The following SUPT3H variants were observed in gnomAD, a reference collection of about 807,000 sequenced individuals.
The protein encoded by SUPT3H is SPT3 homolog, SAGA and STAGA complex component.
A neutral mutation model predicts 44.3 loss-of-function variants in SUPT3H; 44 were observed. That is an observed-to-expected ratio of 0.99 (90% CI 0.78 to 1.28). The LOEUF (loss-of-function observed/expected upper bound fraction) is 1.28, where lower values mean the gene tolerates loss of function less well. SUPT3H is among the 50% of genes most tolerant of loss of function. SUPT3H has a pLI of 0.00. For missense variants in SUPT3H, 380 were observed against 387.1 expected, an observed-to-expected ratio of 0.98 and a Z score of 0.15; for synonymous variants, 124 against 125.6, an observed-to-expected ratio of 0.99 and a Z score of 0.09.
At chr6:44,911,667 C>T (rs1192158450) in intron 10 of SUPT3H, among the ~76,000 whole-genome samples, 1 of 152,026 alleles carries the variant, frequency 6.6e-6, no homozygotes, top group African/African-American at 2.4e-5. Flanking sequence ...GTCTACTATC[C>T]ATATAGTTGC....
chr6:44,893,266 G>A (rs1320383336), intron 10 of SUPT3H, among the ~76,000 whole-genome samples: 1 of 152,098 alleles, frequency 6.6e-6, no homozygotes, highest in Non-Finnish European at 1.5e-5. Flanking sequence ...TAGGGTACAT[G>A]TGCACAATGT....
At chr6:44,889,277 A>G (rs1396499010) in intron 10 of SUPT3H, among the ~76,000 whole-genome samples, 8 of 152,196 alleles carry the variant, frequency 5.3e-5, no homozygotes, top group African/African-American at 1.4e-4. Flanking sequence ...TTTAAAGTTC[A>G]TATGGAACCA....
intron 2 of SUPT3H, among the ~76,000 whole-genome samples, chr6:45,280,071 T>C (rs115889932): frequency 7.5e-4 from 115 of 152,322 alleles, no homozygotes; most frequent in African/African-American, 2.7e-3. Context: ...CTTTTAAATA[T>C]ATCGAGAATC....
chr6:44,928,696 C>G (rs1403384726), intron 10 of SUPT3H, among the ~76,000 whole-genome samples: 3 of 150,420 alleles, frequency 2.0e-5, no homozygotes, highest in African/African-American at 4.9e-5. Flanking sequence ...GAGATCGAGA[C>G]CACGGTGAAA....
intron 7 of SUPT3H, among the ~76,000 whole-genome samples, chr6:44,958,868 A>G (rs1388923439): frequency 2.3e-5 from 3 of 132,528 alleles, no homozygotes; most frequent in Non-Finnish European, 4.7e-5. Context: ...AGTACTTATC[A>G]ATGGTTTTTT....
At chr6:44,949,327 C>T (rs767240196) in intron 9 of SUPT3H, among the ~76,000 whole-genome samples, 3 of 151,516 alleles carry the variant, frequency 2.0e-5, no homozygotes, top group African/African-American at 4.9e-5. Context: ...CAACATGGCA[C>T]ATGTATACAT....
intron 6 of SUPT3H, among the ~76,000 whole-genome samples, chr6:44,974,317 TTG>T (rs1446869240): frequency 1.3e-5 from 2 of 150,576 alleles, no homozygotes; most frequent in African/African-American, 4.8e-5. Context: ...TGTGTATAAA[TTG>T]TGTGTGTTTG....
chr6:45,143,000 A>C (rs1213841607), intron 2 of SUPT3H, among the ~76,000 whole-genome samples: 1 of 152,066 alleles, frequency 6.6e-6, no homozygotes, highest in Non-Finnish European at 1.5e-5. Flanking sequence ...AAGTCCAACA[A>C]GAAAATAACA....
At chr6:45,160,784 A>G (rs9395069) in intron 2 of SUPT3H, among the ~76,000 whole-genome samples, 46,216 of 152,054 alleles carry the variant, frequency 0.3, 8,673 homozygotes, top group East Asian at 0.57. Context: ...ATGGATACCC[A>G]AAGTTTCCAT....
chr6:45,340,403 A>C (rs1316031890), intron 2 of SUPT3H, among the ~76,000 whole-genome samples: 1 of 152,102 alleles, frequency 6.6e-6, no homozygotes, highest in Non-Finnish European at 1.5e-5. Context: ...AGCTCACTGC[A>C]ACTTTGACCT....
intron 10 of SUPT3H, among the ~76,000 whole-genome samples, chr6:44,900,989 C>G (rs996966121): frequency 6.6e-6 from 1 of 152,154 alleles, no homozygotes; most frequent in Admixed American, 6.5e-5. Flanking sequence ...AACTAACAAA[C>G]AGAAGGAACA....
chr6:44,928,442 C>A (rs947393203), intron 10 of SUPT3H, among the ~76,000 whole-genome samples: 4 of 152,064 alleles, frequency 2.6e-5, no homozygotes, highest in African/African-American at 9.7e-5. Context: ...GTGTGTATTT[C>A]AGGAGAAAGT....
chr6:45,172,012 G>A (rs1810879454), intron 2 of SUPT3H, among the ~76,000 whole-genome samples: 1 of 141,326 alleles, frequency 7.1e-6, no homozygotes, highest in South Asian at 2.3e-4. Flanking sequence ...CACCACACCT[G>A]GCCTCCACTC....
intron 2 of SUPT3H, among the ~76,000 whole-genome samples, chr6:45,230,678 A>ATATATATATATATATATATATATC (rs1767840183): frequency 9.1e-6 from 1 of 110,236 alleles, no homozygotes; most frequent in Non-Finnish European, 1.9e-5. Context: ...ATATATATAT[A>ATATATATATATATATATATATATC]TATATATATT....
At chr6:44,920,651 G>C (rs990737918) in intron 10 of SUPT3H, among the ~76,000 whole-genome samples, 17 of 152,056 alleles carry the variant, frequency 1.1e-4, no homozygotes, top group African/African-American at 4.1e-4. Flanking sequence ...TATTATTTGT[G>C]GGAAATCCAT....
intron 2 of SUPT3H, among the ~76,000 whole-genome samples, chr6:45,170,508 A>C (rs1013385705): frequency 2.0e-5 from 3 of 152,232 alleles, no homozygotes; most frequent in African/African-American, 7.2e-5. Context: ...CCTGTAGCTG[A>C]AATCAGTTCA....
downstream of SUPT3H, among the ~76,000 whole-genome samples, chr6:44,822,855 C>T (rs923512465): frequency 1.2e-4 from 18 of 151,996 alleles, no homozygotes; most frequent in Admixed American, 9.2e-4. Context: ...CGGTGGCTCA[C>T]ACCTGTAATT....
rs542953101 is a variant in SUPT3H at position 44,963,212 on chromosome 6, G to C, written c.505-1384C>G. 2.0e-5 allele frequency among the ~76,000 whole-genome samples: 3 copies of C among 151,968 alleles called. No individual in the cohort carries two copies. In the South Asian group the frequency reaches 6.2e-4, roughly 32 times the overall value. On this transcript the variant is annotated intron_variant, in intron 6 of 10. Coordinates refer to ENST00000371459, the MANE Select transcript of SUPT3H (RefSeq NM_003599.4). ...CTTGTGCATGTGTCAGAAATATCACGTCTCGGCTGGGTGTGGTGGCTCACG... is the reference window on the plus strand; with the variant it reads ...CTTGTGCATGTGTCAGAAATATCACCTCTCGGCTGGGTGTGGTGGCTCACG...
chr6:45,320,250 T>C (rs1168550673), intron 2 of SUPT3H, among the ~76,000 whole-genome samples: 2 of 152,084 alleles, frequency 1.3e-5, no homozygotes, highest in African/African-American at 4.8e-5. Flanking sequence ...GACAAACCAC[T>C]ATGGCAGCTT....
Sources: allele counts gnomAD v4.1 joint callset (sites outside exome capture counted in the v4.1 genomes callset), GRCh38; gene constraint gnomAD v4.1.1; transcripts MANE v1.5; gene names NCBI Gene and HGNC (gene_info 2026-07-23, HGNC 2026-07-21).